The following SORBS2 variants were observed in gnomAD, a reference collection of about 807,000 sequenced individuals.
SORBS2 encodes the protein sorbin and SH3 domain-containing protein 2.
In SORBS2, 46 loss-of-function variants were observed where a neutral mutation model predicts 97.7. That is an observed-to-expected ratio of 0.47 (90% CI 0.37 to 0.60). The LOEUF is 0.60. SORBS2 is among the 20% of genes least tolerant of loss of function. SORBS2 has a pLI of 0.00. For synonymous variants in SORBS2, 476 were observed against 473.4 expected (o/e 1.01, Z -0.07); for missense variants, 1,316 against 1,282.3 (o/e 1.03, Z -0.40).
chr4:185,859,086 G>T (rs903358982), intron 1 of SORBS2, among the ~76,000 whole-genome samples: 1 of 143,914 alleles, frequency 6.9e-6, no homozygotes, highest in Non-Finnish European at 1.6e-5. Flanking sequence ...GCAGGAAATT[G>T]CCAAGAAAAC....
intron 2 of SORBS2, chr4:185,774,825 T>C (rs982453069): frequency 2.0e-5 from 3 of 151,662 alleles, no homozygotes; most frequent in Non-Finnish European, 4.4e-5. Context: ...CAATTACTTA[T>C]ATATATTATC....
chr4:185,701,942 T>G (rs527757966), intron 2 of SORBS2, among the ~76,000 whole-genome samples: 12 of 152,178 alleles, frequency 7.9e-5, no homozygotes, highest in African/African-American at 2.9e-4. Flanking sequence ...AGCTAATTTT[T>G]TGTATTTTAG....
intron 1 of SORBS2, among the ~76,000 whole-genome samples, chr4:185,921,657 G>A (rs1045252574): frequency 1.3e-5 from 2 of 152,134 alleles, no homozygotes; most frequent in South Asian, 2.1e-4. Flanking sequence ...GAAGATACAG[G>A]TTATAGAGAT....
chr4:185,636,185 C>A (rs2096997401), intron 4 of SORBS2, among the ~76,000 whole-genome samples: 1 of 151,848 alleles, frequency 6.6e-6, no homozygotes, highest in Middle Eastern at 3.2e-3. Flanking sequence ...TAACCAACAG[C>A]AACAATACAT....
At chr4:185,683,751 G>A (rs6812943) in intron 2 of SORBS2, among the ~76,000 whole-genome samples, 78,304 of 151,936 alleles carry the variant, frequency 0.52, 21,113 homozygotes, top group South Asian at 0.65. Flanking sequence ...GGTGGTGAAC[G>A]GAAGTGGGAT....
intron 12 of SORBS2, among the ~76,000 whole-genome samples, chr4:185,610,139 A>G (rs1364443436): frequency 6.6e-6 from 1 of 152,226 alleles, no homozygotes; most frequent in African/African-American, 2.4e-5. Context: ...AAAATATTAT[A>G]TTGCCATTAA....
At chr4:185,695,463 CATATTG>C (rs1363367606) in intron 2 of SORBS2, among the ~76,000 whole-genome samples, 1 of 150,810 alleles carries the variant, frequency 6.6e-6, no homozygotes, top group African/African-American at 2.4e-5. Context: ...CAAAAAAGGA[CATATTG>C]ATGTTTAAGT....
chr4:185,719,311 T>C (rs1377502525), intron 2 of SORBS2, among the ~76,000 whole-genome samples: 1 of 152,166 alleles, frequency 6.6e-6, no homozygotes, highest in African/African-American at 2.4e-5. Context: ...GACTTGCCGG[T>C]AGGTACTCTC....
rs1371481499 is a variant in SORBS2 at position 185,759,242 on chromosome 4, A to C, written c.-198+15985T>G. Among the ~76,000 whole-genome samples the C allele has an allele frequency of 2.6e-5, 4 of 152,242 alleles. No homozygotes were observed. The East Asian group carries it at 7.7e-4, about 29-fold the overall frequency. ...AGCTTCTCGCTTAAAGATATGGAGT[A>C]GGCGTTAAAAATGATTTCTGCCCAA... On this transcript the variant is annotated intron_variant, in intron 2 of 20. Transcript: ENST00000284776.
chr4:185,638,734 G>A (rs2097072300), intron 4 of SORBS2, 143 bp downstream of exon 14: 2 of 692,516 alleles, frequency 2.9e-6, no homozygotes, highest in Non-Finnish European at 4.4e-6. Context: ...GGGCTCTCAG[G>A]GGCCTGTGGA....
chr4:185,841,154 C>A (rs1252447900), intron 1 of SORBS2, among the ~76,000 whole-genome samples: 1 of 152,176 alleles, frequency 6.6e-6, no homozygotes, highest in Admixed American at 6.5e-5. Context: ...AGCTATGGAA[C>A]CTGAACTCCC....
At chr4:185,636,735 G>C (rs937813959) in intron 4 of SORBS2, among the ~76,000 whole-genome samples, 3 of 148,882 alleles carry the variant, frequency 2.0e-5, no homozygotes, top group Non-Finnish European at 4.4e-5. Flanking sequence ...TGCAATCTCC[G>C]CCTCCCAGGT....
upstream of SORBS2, chr4:185,657,025 A>G: frequency 1.4e-6 from 1 of 729,328 alleles, no homozygotes; most frequent in Non-Finnish European, 1.7e-6. Flanking sequence ...CGAACACATC[A>G]CTGCTTTATT....
At chr4:185,878,558 T>C (rs1365524885) in intron 1 of SORBS2, among the ~76,000 whole-genome samples, 1 of 152,140 alleles carries the variant, frequency 6.6e-6, no homozygotes, top group Non-Finnish European at 1.5e-5. Context: ...ACTTTGCCGC[T>C]AAGGACCTGC....
chr4:185,867,987 A>G (rs1315562709), intron 1 of SORBS2, among the ~76,000 whole-genome samples: 2 of 152,046 alleles, frequency 1.3e-5, no homozygotes, highest in South Asian at 4.1e-4. Flanking sequence ...TTTAAAGGCC[A>G]AGTCCTTTCT....
At chr4:185,664,603 G>C (rs2097570886) in intron 4 of SORBS2, among the ~76,000 whole-genome samples, 1 of 152,166 alleles carries the variant, frequency 6.6e-6, no homozygotes, top group East Asian at 1.9e-4. Context: ...GGAAAATGAG[G>C]CTCCTTCTGT....
At chr4:185,638,911 G>A (rs2097077117) in intron 4 of SORBS2, 2 of 1,494,436 alleles carry the variant, frequency 1.3e-6, no homozygotes, top group Non-Finnish European at 1.8e-6. Context: ...GCGCGAGCTT[G>A]GTGTGGGGGC....
At chr4:185,875,308 G>A (rs7675409) in intron 1 of SORBS2, among the ~76,000 whole-genome samples, 2 of 151,910 alleles carry the variant, frequency 1.3e-5, no homozygotes, top group Admixed American at 6.5e-5. Flanking sequence ...TTAGCTTGAG[G>A]TGGCCATCCC....
chr4:185,614,995 G>A (rs370979322), intron 10 of SORBS2, 36 bp from the exon 23 acceptor site: 11 of 1,613,888 alleles, frequency 6.8e-6, no homozygotes, highest in Middle Eastern at 1.6e-4. Flanking sequence ...TCAAATCTGC[G>A]GTGACCTTTG....
Sources: allele counts gnomAD v4.1 joint callset (sites outside exome capture counted in the v4.1 genomes callset), GRCh38; gene constraint gnomAD v4.1.1; transcripts MANE v1.5; gene names NCBI Gene and HGNC (gene_info 2026-07-23, HGNC 2026-07-21).